DLG5: variants seen among roughly 807,000 people sequenced by gnomAD.
DLG5 encodes disks large homolog 5.
In DLG5, 48 loss-of-function variants were observed where a neutral mutation model predicts 189.8. That is an observed-to-expected ratio of 0.25 (90% CI 0.20 to 0.32). DLG5 has a LOEUF of 0.32. DLG5 is among the 10% of genes least tolerant of loss of function. The pLI, the probability that DLG5 is intolerant of heterozygous loss-of-function variation, is 1.00. For missense variants in DLG5, 2,160 were observed against 2,544.7 expected, an observed-to-expected ratio of 0.85 and a Z score of 3.25; for synonymous variants, 1,016 against 1,054.1, an observed-to-expected ratio of 0.96 and a Z score of 0.70.
At chr10:77,931,009 G>A (rs535959921), upstream of DLG5, among the ~76,000 whole-genome samples, 14 of 150,852 alleles carry the variant, frequency 9.3e-5, no homozygotes, top group Middle Eastern at 6.9e-3. Flanking sequence ...TAGTAGAGAC[G>A]GGGTTTCTCC....
chr10:77,919,895 G>A (rs1846484350), intron 1 of DLG5, among the ~76,000 whole-genome samples: 1 of 152,090 alleles, frequency 6.6e-6, no homozygotes, highest in East Asian at 1.9e-4. Flanking sequence ...GCCACCATGA[G>A]GTCACCACTT....
intron 27 of DLG5, among the ~76,000 whole-genome samples, chr10:77,805,400 C>T (rs2154575090): frequency 6.6e-6 from 1 of 152,306 alleles, no homozygotes; most frequent in South Asian, 2.1e-4. Context: ...TGCCTTACCA[C>T]TCCTTCCTTC....
Position 77,821,616 on chromosome 10 carries a change from T to A in DLG5, c.2868A>T (p.Ala956=), listed in dbSNP as rs1178770964. The change falls in exon 15 of 32, where the codon GCA becomes GCT. Residue 956 remains alanine (A), a synonymous_variant. Coordinates refer to ENST00000372391, the MANE Select transcript of DLG5 (RefSeq NM_004747.4). ...TWPKAMLSST[A]VPEKLSVYKK... is the part of the protein sequence containing the mutation. Reference sequence around the variant, plus strand: ...TATAAACAGAGAGCTTCTCAGGCACTGCCGTGGAGCTGAGCATGGCCTTGG... The same window carrying A: ...TATAAACAGAGAGCTTCTCAGGCACAGCCGTGGAGCTGAGCATGGCCTTGG... 2.5e-6 allele frequency: 4 copies of A among 1,613,018 alleles called. No homozygotes were observed. In the Admixed American group the frequency reaches 6.7e-5, roughly 27 times the overall value.
intron 1 of DLG5, among the ~76,000 whole-genome samples, chr10:77,922,905 G>T (rs567239806): frequency 2.6e-5 from 4 of 152,222 alleles, no homozygotes; most frequent in Non-Finnish European, 5.9e-5. Flanking sequence ...CTCAGCAAGA[G>T]TTGCCCCGAT....
At chr10:77,904,394 G>A (rs2154577980) in intron 1 of DLG5, among the ~76,000 whole-genome samples, 1 of 152,176 alleles carries the variant, frequency 6.6e-6, no homozygotes, top group Non-Finnish European at 1.5e-5. Context: ...AAGACTTTGG[G>A]GGACTGTTGG....
At chr10:77,862,773 G>A (rs1844521906) in intron 2 of DLG5, among the ~76,000 whole-genome samples, 1 of 152,190 alleles carries the variant, frequency 6.6e-6, no homozygotes, top group African/African-American at 2.4e-5. Context: ...CACACAGGGT[G>A]TGGGGGAAGC....
intron 8 of DLG5, among the ~76,000 whole-genome samples, chr10:77,835,224 T>G (rs1843066609): frequency 6.6e-6 from 1 of 152,146 alleles, no homozygotes. Flanking sequence ...CCAGTTCTAG[T>G]GCGAATGCCA....
At position 77,792,125 on chromosome 10, in the gene DLG5, G is replaced by A. The variant is rs1182952744; in HGVS notation, c.*315C>T. The A allele has an allele frequency of 8.3e-6, 3 of 363,344 alleles. No individual in the cohort carries two copies. Among genetic ancestry groups the A allele is most frequent in the Non-Finnish European group, 1.5e-5 (3 of 199,928 alleles). 22.5% of individuals were successfully genotyped at this position (363,344 alleles called of 1,614,324 possible). A position where few individuals can be genotyped will look rare whatever the true frequency, so the allele number is the denominator to read the frequency against. On this transcript the variant is annotated 3_prime_UTR_variant, in exon 32 of 32. Transcript: ENST00000372391. Reference sequence around the variant, plus strand: ...AAATACTTAGAAAAGGCTTGTAAACGAGTGATCCGAAAGGTTCTCTTTGCA... The same window carrying A: ...AAATACTTAGAAAAGGCTTGTAAACAAGTGATCCGAAAGGTTCTCTTTGCA...
chr10:77,938,477 A>G, the DLG5 span, among the ~76,000 whole-genome samples: 2 of 152,110 alleles, frequency 1.3e-5, no homozygotes, highest in Non-Finnish European at 2.9e-5. Context: ...TGAAAGAATG[A>G]ATTAGGAAGG....
At chr10:77,902,560 T>A (rs1378885093) in intron 1 of DLG5, among the ~76,000 whole-genome samples, 1 of 152,138 alleles carries the variant, frequency 6.6e-6, no homozygotes, top group Non-Finnish European at 1.5e-5. Context: ...TGTGCTCCCA[T>A]TAAAAACGAG....
At chr10:77,928,813 G>C (rs968794154), upstream of DLG5, 1 of 152,280 alleles carries the variant, frequency 6.6e-6, no homozygotes, top group African/African-American at 2.4e-5. Context: ...GATTGCCTGA[G>C]CTCAGGAGTT....
At chr10:77,860,980 T>C (rs1844448603) in intron 2 of DLG5, among the ~76,000 whole-genome samples, 10 of 152,270 alleles carry the variant, frequency 6.6e-5, no homozygotes, top group Admixed American at 6.5e-4. Context: ...TAAGATTTTT[T>C]ATGAGACATT....
intron 1 of DLG5, among the ~76,000 whole-genome samples, chr10:77,878,603 C>T (rs906305870): frequency 1.2e-4 from 19 of 152,188 alleles, no homozygotes; most frequent in African/African-American, 9.7e-5. Context: ...CACCATCTCC[C>T]TCAGGAGCTA....
At chr10:77,805,978 C>T (rs1476964686) in intron 26 of DLG5, 117 bp from the exon 27 acceptor site, 3 of 998,936 alleles carry the variant, frequency 3.0e-6, no homozygotes, top group African/African-American at 3.2e-5. Flanking sequence ...CCCCACACTC[C>T]TTGGCAGGTC....
chr10:77,854,343 A>G lies in DLG5; in HGVS notation c.564T>C (p.Tyr188=). Residue 188 remains tyrosine (Y), a synonymous_variant, in exon 4 of 32, where the codon TAT becomes TAC. Transcript: ENST00000372391. The part of the protein sequence containing the change: ...KRPYHRLNPD[Y]ERLKIQCVRA... The stretch of plus-strand genomic sequence containing the variant: ...GCACGCACTGGATCTTCAGCCTCTC[A>G]TAGTCAGGATTCAGCCTGTGGTAGG... 6.2e-7 allele frequency: 1 copy of G among 1,614,070 alleles called. No individual in the cohort carries two copies.
Position 77,915,370 on chromosome 10 carries a change from A to G in DLG5, c.304+10847T>C, listed in dbSNP as rs140707602. ...GAACGTTTAGTGTTTTGGTACTCTG[A>G]ATGAGAGGGCTAGGGGAAACGTAAA... On this transcript the variant is annotated intron_variant, in intron 1 of 31. Coordinates refer to ENST00000372391, the MANE Select transcript of DLG5 (RefSeq NM_004747.4). 1.4e-3 allele frequency among the ~76,000 whole-genome samples: 208 copies of G among 152,246 alleles called. 6 individuals carry two copies. In the East Asian group the frequency reaches 0.028, roughly 21 times the overall value.
At chr10:77,862,356 T>C (rs956089263) in intron 2 of DLG5, among the ~76,000 whole-genome samples, 2 of 152,238 alleles carry the variant, frequency 1.3e-5, no homozygotes, top group Admixed American at 6.5e-5. Flanking sequence ...ATTTCTTGTA[T>C]GCAATAGACC....
chr10:77,792,529 C>G lies in DLG5; in HGVS notation c.5671G>C (p.Gly1891Arg). Reference sequence around the variant, plus strand: ...TGAGTGCAAATGCTTGACAGGGCTCCTCCCTGGATGACCCCTGCAAAAGAG... The same window carrying G: ...TGAGTGCAAATGCTTGACAGGGCTCGTCCCTGGATGACCCCTGCAAAAGAG... Reference protein sequence around the residue: ...SRYFTGVIQGGALSSICTQIL... With the variant: ...SRYFTGVIQGRALSSICTQIL... The change falls in exon 32 of 32, where the codon GGA (glycine) becomes CGA (arginine). Residue 1891 changes from glycine (G) to arginine (R), a missense_variant. By Grantham distance (125) the Gly-to-Arg change is moderately radical. This residue lies in a region of DLG5 where 574 missense variants were observed against 644.2 expected (regional missense o/e 0.89). Coordinates refer to ENST00000372391, the MANE Select transcript of DLG5 (RefSeq NM_004747.4). 1 of 1,614,190 alleles carries G rather than the reference C, an allele frequency of 6.2e-7. No homozygotes were observed. Among genetic ancestry groups the G allele is most frequent in the Non-Finnish European group, 8.5e-7 (1 of 1,180,032 alleles).
intron 1 of DLG5, among the ~76,000 whole-genome samples, chr10:77,891,254 G>C (rs1845598001): frequency 6.6e-6 from 1 of 152,128 alleles, no homozygotes; most frequent in Non-Finnish European, 1.5e-5. Flanking sequence ...AGTCTCACAA[G>C]GCTCACAATT....
Sources: allele counts gnomAD v4.1 joint callset (sites outside exome capture counted in the v4.1 genomes callset), GRCh38; gene constraint gnomAD v4.1.1; regional missense constraint gnomAD v4.1.1; transcripts MANE v1.5; gene names NCBI Gene and HGNC (gene_info 2026-07-23, HGNC 2026-07-21).